The following DAB1 variants were observed in gnomAD, a reference collection of about 807,000 sequenced individuals.
The protein encoded by DAB1 is disabled homolog 1.
Under a neutral mutation model 64.6 loss-of-function variants are expected in DAB1, and 15 were observed. That is an observed-to-expected ratio of 0.23 (90% CI 0.16 to 0.36). DAB1 has a LOEUF of 0.36. Among genes scored for constraint, DAB1 ranks in the 10% least tolerant of loss-of-function variants. DAB1 has a pLI of 1.00. For synonymous variants in DAB1, 235 were observed against 251.9 expected (o/e 0.93, Z 0.64); for missense variants, 596 against 706.7 (o/e 0.84, Z 1.78).
intron 6 of DAB1, among the ~76,000 whole-genome samples, chr1:57,677,883 A>T (rs3126034): frequency 0.72 from 108,809 of 152,064 alleles, 39,507 homozygotes; most frequent in East Asian, 0.93. Flanking sequence ...AAAATACTAA[A>T]TATTTGTCCA....
intron 5 of DAB1, among the ~76,000 whole-genome samples, chr1:58,058,655 G>A (rs534560098): frequency 5.3e-5 from 8 of 152,312 alleles, no homozygotes; most frequent in Admixed American, 4.6e-4. Flanking sequence ...TGCATGAGCT[G>A]ATGATGAGAG....
chr1:57,253,269 CTGTT>C (rs1179534956), intron 2 of DAB1, among the ~76,000 whole-genome samples: 1 of 152,194 alleles, frequency 6.6e-6, no homozygotes, highest in Non-Finnish European at 1.5e-5. Flanking sequence ...GGCTGAGTGA[CTGTT>C]AGTTCTACAC....
chr1:57,300,996 C>G (rs1673600727), intron 1 of DAB1, among the ~76,000 whole-genome samples: 1 of 151,544 alleles, frequency 6.6e-6, no homozygotes. Flanking sequence ...ACCCAGGGAC[C>G]AAGGGCCAAG....
At chr1:57,198,017 A>G (rs746126497) in intron 2 of DAB1, among the ~76,000 whole-genome samples, 2 of 152,226 alleles carry the variant, frequency 1.3e-5, no homozygotes, top group Non-Finnish European at 2.9e-5. Context: ...CTCTTTGCAC[A>G]TAAAATAATG....
At chr1:58,248,523 C>G (rs1570538481) in intron 4 of DAB1, among the ~76,000 whole-genome samples, 2 of 152,114 alleles carry the variant, frequency 1.3e-5, no homozygotes, top group South Asian at 4.1e-4. Flanking sequence ...GCCCTGGGAA[C>G]ACCTCTAGAT....
intron 1 of DAB1, among the ~76,000 whole-genome samples, chr1:57,338,996 A>G (rs1677328875): frequency 1.3e-5 from 2 of 152,202 alleles, no homozygotes; most frequent in Admixed American, 1.3e-4. Context: ...GATAAGGAAG[A>G]GTTCACTCTT....
At chr1:58,307,964 A>G (rs547537575) in intron 4 of DAB1, among the ~76,000 whole-genome samples, 1 of 152,256 alleles carries the variant, frequency 6.6e-6, no homozygotes, top group Admixed American at 6.5e-5. Context: ...AGAGGTCCAC[A>G]GAGGCAATGG....
chr1:58,177,374 A>G (rs1656542426), intron 4 of DAB1, among the ~76,000 whole-genome samples: 1 of 152,254 alleles, frequency 6.6e-6, no homozygotes. Flanking sequence ...CTCCACAAAT[A>G]TTTGTGATAA....
chr1:57,597,174 C>G (rs138288568), intron 7 of DAB1, among the ~76,000 whole-genome samples: 79 of 152,338 alleles, frequency 5.2e-4, no homozygotes, highest in Non-Finnish European at 8.4e-4. Flanking sequence ...CTTATCTTAT[C>G]CACCTGGATT....
At chr1:57,879,432 T>C (rs148216995) in intron 1 of DAB1, among the ~76,000 whole-genome samples, 14 of 152,244 alleles carry the variant, frequency 9.2e-5, no homozygotes, top group Non-Finnish European at 5.9e-5. Context: ...TAATGAACTT[T>C]TTAAAATCAT....
chr1:57,371,226 A>C (rs970140803), intron 1 of DAB1, among the ~76,000 whole-genome samples: 9 of 152,248 alleles, frequency 5.9e-5, no homozygotes, highest in African/African-American at 2.2e-4. Flanking sequence ...CAAACGAGGC[A>C]AAGTAAATAG....
intron 6 of DAB1, among the ~76,000 whole-genome samples, chr1:57,817,301 C>G (rs539284813): frequency 6.6e-6 from 1 of 152,184 alleles, no homozygotes; most frequent in Non-Finnish European, 1.5e-5. Context: ...TGTGGAGGTT[C>G]CTTCCTGGAC....
At chr1:58,233,794 C>A (rs1266525128) in intron 4 of DAB1, among the ~76,000 whole-genome samples, 2 of 152,206 alleles carry the variant, frequency 1.3e-5, no homozygotes, top group Non-Finnish European at 2.9e-5. Context: ...AAAAAGAAAT[C>A]TCCATTTCAG....
At chr1:58,477,359 G>A (rs1206244774) in intron 3 of DAB1, among the ~76,000 whole-genome samples, 1 of 152,208 alleles carries the variant, frequency 6.6e-6, no homozygotes, top group Admixed American at 6.5e-5. Flanking sequence ...AATTGTCAAG[G>A]AATCATCTTG....
intron 1 of DAB1, among the ~76,000 whole-genome samples, chr1:58,545,761 TTTC>T (rs1646692529): frequency 1.3e-5 from 2 of 152,220 alleles, no homozygotes; most frequent in African/African-American, 4.8e-5. Context: ...AAAATGACTA[TTTC>T]TTCTCTAGTT....
chr1:58,109,567 C>G (rs1651856173), intron 5 of DAB1, among the ~76,000 whole-genome samples: 1 of 151,986 alleles, frequency 6.6e-6, no homozygotes, highest in Admixed American at 6.6e-5. Flanking sequence ...TCATTCCTCT[C>G]AAAAACCAAA....
At chr1:57,055,577 C>T (rs969044861) in intron 9 of DAB1, among the ~76,000 whole-genome samples, 1 of 152,202 alleles carries the variant, frequency 6.6e-6, no homozygotes, top group Non-Finnish European at 1.5e-5. Context: ...TCAGTTGATG[C>T]ACTCAGGTGA....
At chr1:58,202,091 C>T (rs561996615) in intron 4 of DAB1, among the ~76,000 whole-genome samples, 21 of 152,228 alleles carry the variant, frequency 1.4e-4, no homozygotes, top group African/African-American at 4.6e-4. Flanking sequence ...AGTTAATAAA[C>T]ATAAGAACCT....
At chr1:58,267,133 T>C (rs1340765045) in intron 4 of DAB1, among the ~76,000 whole-genome samples, 1 of 152,134 alleles carries the variant, frequency 6.6e-6, no homozygotes, top group Non-Finnish European at 1.5e-5. Context: ...GACAGGAGAA[T>C]TGCTTGAAAC....
Sources: allele counts gnomAD v4.1 joint callset (sites outside exome capture counted in the v4.1 genomes callset), GRCh38; gene constraint gnomAD v4.1.1; transcripts MANE v1.5; gene names NCBI Gene and HGNC (gene_info 2026-07-23, HGNC 2026-07-21).